The following GRIA1 variants were observed in gnomAD, a reference collection of about 807,000 sequenced individuals.
GRIA1 encodes the protein glutamate ionotropic receptor AMPA type subunit 1.
In GRIA1, 31 loss-of-function variants were observed where a neutral mutation model predicts 99.2. That is an observed-to-expected ratio of 0.31 (90% confidence interval 0.23 to 0.42). The LOEUF (loss-of-function observed/expected upper bound fraction) is 0.42. Ranked by LOEUF, GRIA1 falls within the 10% of genes least tolerant of loss-of-function variation. The probability of loss-of-function intolerance (pLI) is 1.00; values close to 1 mark genes in which losing one functional copy is unlikely to be tolerated. For missense variants in GRIA1, 782 were observed against 1,157.5 expected (o/e 0.68, Z 4.71); for synonymous variants, 438 against 432.4 (o/e 1.01, Z -0.16).
upstream of GRIA1, chr5:153,489,937 T>C (rs1753760460): frequency 2.3e-6 from 1 of 439,602 alleles, no homozygotes; most frequent in African/African-American, 2.0e-5. Context: ...TTTAAATGCC[T>C]AGGATTGAAA....
At chr5:153,668,643 T>C (rs1755923390) in intron 5 of GRIA1, among the ~76,000 whole-genome samples, 1 of 152,186 alleles carries the variant, frequency 6.6e-6, no homozygotes. Flanking sequence ...AATCTGGCCC[T>C]TTACATAAAA....
intron 2 of GRIA1, among the ~76,000 whole-genome samples, chr5:153,552,307 G>A (rs1423542416): frequency 3.3e-5 from 5 of 151,826 alleles, no homozygotes; most frequent in Non-Finnish European, 1.5e-5. Context: ...GGTAACAGCC[G>A]AATGCTGGCC....
chr5:153,585,765 G>C (rs1322276913), intron 2 of GRIA1, among the ~76,000 whole-genome samples: 1 of 152,018 alleles, frequency 6.6e-6, no homozygotes, highest in Non-Finnish European at 1.5e-5. Context: ...CATATTTCAG[G>C]TCTTAGCACA....
chr5:153,608,364 T>C (rs1765639173), intron 2 of GRIA1, among the ~76,000 whole-genome samples: 1 of 152,214 alleles, frequency 6.6e-6, no homozygotes, highest in Non-Finnish European at 1.5e-5. Context: ...CTTTTTTCAC[T>C]TTATGAAATT....
At chr5:153,763,004 C>A (rs143121908) in intron 11 of GRIA1, among the ~76,000 whole-genome samples, 2 of 152,186 alleles carry the variant, frequency 1.3e-5, no homozygotes, top group Admixed American at 6.5e-5. Flanking sequence ...GCTCCTCATG[C>A]GACATAGCTT....
chr5:153,505,621 CT>C (rs1414376390), intron 2 of GRIA1, among the ~76,000 whole-genome samples: 1 of 152,240 alleles, frequency 6.6e-6, no homozygotes, highest in African/African-American at 2.4e-5. Context: ...TTATATACCA[CT>C]GAAATTGGAA....
chr5:153,540,221 C>A (rs1391666786), intron 2 of GRIA1, among the ~76,000 whole-genome samples: 1 of 152,198 alleles, frequency 6.6e-6, no homozygotes, highest in African/African-American at 2.4e-5. Flanking sequence ...CAAGCATCTG[C>A]AGAAAGGCTT....
intron 2 of GRIA1, among the ~76,000 whole-genome samples, chr5:153,578,634 C>T (rs114864027): frequency 0.017 from 2,659 of 152,260 alleles, 32 homozygotes; most frequent in Middle Eastern, 0.044. Flanking sequence ...GTCGGCTGGC[C>T]GCGGTGGCTC....
chr5:153,709,684 A>G (rs896450501), intron 11 of GRIA1, among the ~76,000 whole-genome samples: 1 of 152,154 alleles, frequency 6.6e-6, no homozygotes, highest in Non-Finnish European at 1.5e-5. Context: ...TATTGTGTCC[A>G]TGTTCAAACA....
intron 5 of GRIA1, among the ~76,000 whole-genome samples, chr5:153,666,549 G>A (rs1755760535): frequency 6.6e-6 from 1 of 152,124 alleles, no homozygotes; most frequent in Non-Finnish European, 1.5e-5. Context: ...TGGTTGGGAG[G>A]CTTGATGTAC....
At chr5:153,770,935 C>T (rs928266244) in intron 13 of GRIA1, among the ~76,000 whole-genome samples, 1 of 152,164 alleles carries the variant, frequency 6.6e-6, no homozygotes, top group African/African-American at 2.4e-5. Context: ...TTAATTATAG[C>T]ACCTATTCTT....
intron 12 of GRIA1, among the ~76,000 whole-genome samples, chr5:153,767,700 T>A (rs1167662049): frequency 2.0e-5 from 3 of 152,328 alleles, no homozygotes. Context: ...CTTGTCCCCA[T>A]GACAGCCCAG....
At chr5:153,586,865 G>A (rs1019347499) in intron 2 of GRIA1, among the ~76,000 whole-genome samples, 31 of 152,122 alleles carry the variant, frequency 2.0e-4, no homozygotes, top group African/African-American at 7.5e-4. Flanking sequence ...AGGGTCAGCC[G>A]GATATTTCAG....
intron 2 of GRIA1, among the ~76,000 whole-genome samples, chr5:153,510,943 G>A (rs1363428200): frequency 6.6e-6 from 1 of 152,216 alleles, no homozygotes; most frequent in Admixed American, 6.5e-5. Flanking sequence ...TGGGGGTGAT[G>A]AGGGAAGGTT....
At chr5:153,493,655 T>C (rs1754134692) in intron 1 of GRIA1, among the ~76,000 whole-genome samples, 1 of 152,222 alleles carries the variant, frequency 6.6e-6, no homozygotes. Flanking sequence ...ACAAGTCTCC[T>C]GTTTTCTCTG....
chr5:153,731,412 T>G (rs540404232), intron 11 of GRIA1, among the ~76,000 whole-genome samples: 48 of 152,174 alleles, frequency 3.2e-4, no homozygotes, highest in Admixed American at 2.7e-3. Context: ...TTTCACTTTC[T>G]CAGGGGACCC....
At chr5:153,671,577 G>T (rs1418396752) in intron 5 of GRIA1, among the ~76,000 whole-genome samples, 1 of 152,186 alleles carries the variant, frequency 6.6e-6, no homozygotes. Flanking sequence ...AACTGTGGCT[G>T]TGGAACACGT....
At chr5:153,724,556 G>T (rs1159111985) in intron 11 of GRIA1, among the ~76,000 whole-genome samples, 1 of 152,264 alleles carries the variant, frequency 6.6e-6, no homozygotes, top group African/African-American at 2.4e-5. Flanking sequence ...GCTCAAAGGA[G>T]CTGATGGAGC....
chr5:153,607,279 A>G (rs538247784), intron 2 of GRIA1, among the ~76,000 whole-genome samples: 37 of 151,380 alleles, frequency 2.4e-4, no homozygotes, highest in Admixed American at 1.7e-3. Flanking sequence ...TTTTCTCTCA[A>G]ATTATTGAGG....
Sources: allele counts gnomAD v4.1 joint callset (sites outside exome capture counted in the v4.1 genomes callset), GRCh38; gene constraint gnomAD v4.1.1; transcripts MANE v1.5; gene names NCBI Gene and HGNC (gene_info 2026-07-23, HGNC 2026-07-21).